The following ORC4 variants were observed in gnomAD, a reference collection of about 807,000 sequenced individuals.
ORC4 encodes origin recognition complex, subunit 4 homolog.
ORC4 carries 55 observed loss-of-function variants against 63.9 expected under a neutral mutation model. The ratio of observed to expected loss-of-function variants is 0.86; its 90% CI spans 0.69 to 1.08. ORC4 has a LOEUF of 1.08. Among genes scored for constraint, ORC4 ranks in the 50% least tolerant of loss-of-function variants. The probability of loss-of-function intolerance (pLI) is 0.00; values close to 1 mark genes in which losing one functional copy is unlikely to be tolerated. For synonymous variants in ORC4, 150 were observed against 168.5 expected, an observed-to-expected ratio of 0.89 and a Z score of 0.85; for missense variants, 511 against 504.4, an observed-to-expected ratio of 1.01 and a Z score of -0.13.
intron 1 of ORC4, among the ~76,000 whole-genome samples, chr2:147,995,191 T>TGCACCAATCAGCACTCTATAAAAAC (rs1259373709): frequency 6.6e-6 from 1 of 151,148 alleles, no homozygotes; most frequent in East Asian, 1.9e-4. Context: ...GGATTGTAAA[T>TGCACCAATCAGCACTCTATAAAAAC]GCACCAATCA....
intron 1 of ORC4, among the ~76,000 whole-genome samples, chr2:147,976,421 A>G (rs188583235): frequency 4.6e-5 from 7 of 152,296 alleles, no homozygotes; most frequent in Admixed American, 4.6e-4. Context: ...ATGCACTGAG[A>G]AAAGTTTTGG....
At chr2:147,953,170 TA>T (rs578262781) in intron 7 of ORC4, among the ~76,000 whole-genome samples, 36,793 of 140,488 alleles carry the variant, frequency 0.26, 4,923 homozygotes, top group African/African-American at 0.36. Flanking sequence ...TCTCTGCTAT[TA>T]AAAAAAAAAA....
intron 7 of ORC4, among the ~76,000 whole-genome samples, chr2:147,953,647 A>C (rs1380641507): frequency 3.9e-5 from 6 of 152,202 alleles, no homozygotes. Context: ...AACTCCCTTG[A>C]AGCACAACTT....
intron 1 of ORC4, among the ~76,000 whole-genome samples, chr2:147,993,583 G>A (rs955452237): frequency 2.0e-5 from 3 of 152,116 alleles, no homozygotes; most frequent in African/African-American, 4.8e-5. Flanking sequence ...TAATGAATAT[G>A]TTGTCCATCC....
At position 147,950,784 on chromosome 2, in the gene ORC4, AAG is replaced by A. The variant is rs372662004; in HGVS notation, c.588+1587_588+1588del. 9.8e-3 allele frequency among the ~76,000 whole-genome samples: 1,484 copies of A among 151,004 alleles called. 29 individuals carry two copies. Among genetic ancestry groups the A allele is most frequent in the African/African-American group, 0.034 (1,394 of 40,650 alleles). On this transcript the variant is annotated intron_variant, in intron 8 of 13. Coordinates refer to ENST00000392857, the MANE Select transcript of ORC4 (RefSeq NM_181741.4). ...CATCTCAAAAAAAAAAAAAAAGAAA[AAG>A]AAAAAAAATTACACTTGAAAGAACT... is the stretch of plus-strand genomic sequence containing the variant.
intron 1 of ORC4, among the ~76,000 whole-genome samples, chr2:147,976,510 G>T (rs1458853771): frequency 6.6e-6 from 1 of 152,082 alleles, no homozygotes; most frequent in African/African-American, 2.4e-5. Flanking sequence ...CCTGTATGTG[G>T]TTCTTACAGC....
chr2:147,945,074 T>C (rs1156557027), intron 9 of ORC4, among the ~76,000 whole-genome samples: 2 of 152,096 alleles, frequency 1.3e-5, no homozygotes, highest in Non-Finnish European at 2.9e-5. Context: ...TGTGGCTAAA[T>C]ATCACAGGCA....
chr2:147,953,779 C>T (rs1241314811), intron 7 of ORC4, among the ~76,000 whole-genome samples: 2 of 152,200 alleles, frequency 1.3e-5, no homozygotes, highest in Non-Finnish European at 2.9e-5. Context: ...TTAGGCTTAA[C>T]GCCTTTATAT....
At chr2:147,942,961 A>G (rs1290302635) in intron 10 of ORC4, among the ~76,000 whole-genome samples, 1 of 152,140 alleles carries the variant, frequency 6.6e-6, no homozygotes, top group Non-Finnish European at 1.5e-5. Flanking sequence ...ATATGTAATG[A>G]ATATGTGGGA....
chr2:147,950,493 G>A (rs1276485649), intron 8 of ORC4, among the ~76,000 whole-genome samples: 6 of 152,124 alleles, frequency 3.9e-5, no homozygotes, highest in African/African-American at 1.4e-4. Flanking sequence ...GAGGCCAGGC[G>A]CAGTGGCTCA....
intron 1 of ORC4, among the ~76,000 whole-genome samples, chr2:148,003,744 T>C (rs1318013674): frequency 6.6e-6 from 1 of 152,164 alleles, no homozygotes; most frequent in Admixed American, 6.5e-5. Context: ...CAACATAGTA[T>C]TGGAAGTTCT....
At chr2:148,015,527 G>A (rs918774279) in intron 1 of ORC4, among the ~76,000 whole-genome samples, 6 of 151,808 alleles carry the variant, frequency 4.0e-5, no homozygotes, top group Non-Finnish European at 8.8e-5. Flanking sequence ...TGTTAGCCAG[G>A]ATGGTATCGA....
chr2:147,932,252 T>C lies in ORC4; in HGVS notation c.*3258A>G, dbSNP rs564540978. On this transcript the variant is annotated 3_prime_UTR_variant, in exon 14 of 14. Coordinates refer to ENST00000392857, the MANE Select transcript of ORC4 (RefSeq NM_181741.4). ...ACCTAGGAATCCAACTTACAAGGGATGTGAAGGACCTCTTCAAGGAGAACT... is the reference window on the plus strand; with the variant it reads ...ACCTAGGAATCCAACTTACAAGGGACGTGAAGGACCTCTTCAAGGAGAACT... 1 of 151,972 alleles carries C rather than the reference T, an allele frequency of 6.6e-6. No homozygotes were observed. The highest frequency in any genetic ancestry group is 2.4e-5 in the African/African-American group (1 of 41,422). The allele number at this position is 151,972 out of a possible 1,614,324, so 9.4% of individuals were successfully genotyped here.
intron 1 of ORC4, among the ~76,000 whole-genome samples, chr2:147,992,872 G>A (rs1573864690): frequency 6.6e-6 from 1 of 152,044 alleles, no homozygotes; most frequent in Non-Finnish European, 1.5e-5. Flanking sequence ...TTTCCCCAAA[G>A]CCAGCCACAG....
chr2:147,937,039 A>T (rs1429595454), intron 13 of ORC4: 1 of 151,536 alleles, frequency 6.6e-6, no homozygotes, highest in African/African-American at 2.4e-5. Flanking sequence ...AAAAAAAAAA[A>T]ATTTAAATAC....
intron 1 of ORC4, among the ~76,000 whole-genome samples, chr2:147,992,114 A>T (rs1426286500): frequency 6.6e-6 from 1 of 152,136 alleles, no homozygotes; most frequent in Non-Finnish European, 1.5e-5. Flanking sequence ...CTACATCTTA[A>T]ATATTATAGT....
chr2:147,996,935 C>T (rs1692010058), intron 1 of ORC4, among the ~76,000 whole-genome samples: 1 of 152,212 alleles, frequency 6.6e-6, no homozygotes, highest in Non-Finnish European at 1.5e-5. Flanking sequence ...GACAGGTCCA[C>T]ACAAAGACCT....
intron 4 of ORC4, among the ~76,000 whole-genome samples, chr2:147,971,842 G>T (rs1237054750): frequency 6.6e-6 from 1 of 151,882 alleles, no homozygotes; most frequent in Non-Finnish European, 1.5e-5. Flanking sequence ...AATATTGAAA[G>T]AAATTACCTA....
chr2:147,939,238 A>T lies in ORC4; in HGVS notation c.860T>A (p.Leu287Ter). The T allele has an allele frequency of 6.2e-7, 1 of 1,608,864 alleles. No individual in the cohort carries two copies. Among genetic ancestry groups the T allele is most frequent in the Non-Finnish European group, 8.5e-7 (1 of 1,175,414 alleles). Residue 287 changes from leucine to a stop codon, truncating the protein, a stop_gained, in exon 11 of 14, where the codon TTA becomes TAA. Coordinates refer to ENST00000392857, the MANE Select transcript of ORC4 (RefSeq NM_181741.4). LOFTEE classifies it high-confidence loss of function. ...TGGGTGCGATGCTGTTACTCGATTT[A>T]AAGCAAGCATCTAGGGAAAGACAGA... The part of the protein sequence containing the change: ...RSLHMLLMLA[L>*]NRVTASHPFM...
Sources: gnomAD v4.1 joint callset for allele counts (sites outside exome capture counted in the v4.1 genomes callset) on GRCh38, gnomAD v4.1.1 for gene constraint, MANE v1.5 for transcripts, NCBI Gene and HGNC (gene_info 2026-07-23, HGNC 2026-07-21) for gene names.